The following TMEM184B variants were observed in gnomAD, a reference collection of about 807,000 sequenced individuals.
TMEM184B encodes the protein transmembrane protein 184B.
A neutral mutation model predicts 41.8 loss-of-function variants in TMEM184B; 17 were observed. The ratio of observed to expected loss-of-function variants is 0.41; its 90% CI spans 0.28 to 0.61. The LOEUF (loss-of-function observed/expected upper bound fraction) is 0.61, where lower values mean the gene tolerates loss of function less well. Among genes scored for constraint, TMEM184B ranks in the 20% least tolerant of loss-of-function variants. The pLI is 0.34. For synonymous variants in TMEM184B, 240 were observed against 229.5 expected, an observed-to-expected ratio of 1.05 and a Z score of -0.41; for missense variants, 393 against 557.8, an observed-to-expected ratio of 0.70 and a Z score of 2.98.
At chr22:38,227,193 G>A (rs1284118137) in intron 5 of TMEM184B, among the ~76,000 whole-genome samples, 1 of 152,048 alleles carries the variant, frequency 6.6e-6, no homozygotes, top group East Asian at 1.9e-4. Flanking sequence ...AGGAAGGGAG[G>A]GAGGAAGGGA....
chr22:38,228,364 T>C (rs1482420332), intron 5 of TMEM184B, among the ~76,000 whole-genome samples: 1 of 152,110 alleles, frequency 6.6e-6, no homozygotes, highest in East Asian at 1.9e-4. Flanking sequence ...GCTGTCATTA[T>C]CCCCATGGTA....
rs1474169708 is a variant in TMEM184B, at chr22:38,246,004, G to A, written c.289C>T (p.Leu97Phe). 1 of 1,613,730 alleles carries A rather than the reference G, an allele frequency of 6.2e-7. No individual in the cohort carries two copies. Among genetic ancestry groups the A allele is most frequent in the South Asian group, 1.1e-5 (1 of 91,086 alleles). ...TCGTTGGTGAAGAAGAGGAGGCTGA[G>A]CCAGGAGTCAAAGGCGTAGATGGGC... is the stretch of plus-strand genomic sequence containing the variant. ...IVPIYAFDSW[L>F]SLLFFTNDQY... The change falls in exon 3 of 9, where the codon CTC becomes TTC. Residue 97 changes from leucine to phenylalanine, a missense_variant. Leu to Phe is a conservative substitution (Grantham distance 22). Coordinates refer to ENST00000361906, the MANE Select transcript of TMEM184B (RefSeq NM_012264.5).
At position 38,226,546 on chromosome 22, in the gene TMEM184B, C is replaced by T. The variant is rs1449237902; in HGVS notation, c.617+233G>A. 3 of 489,312 alleles carry T rather than the reference C, an allele frequency of 6.1e-6. No individual in the cohort carries two copies. The highest frequency in any genetic ancestry group is 1.1e-5 in the Non-Finnish European group (3 of 263,862). The allele number at this position is 489,312 out of a possible 1,614,324, so 30.3% of individuals were successfully genotyped here. A position where few individuals can be genotyped will look rare whatever the true frequency, so the allele number is the denominator to read the frequency against. The stretch of plus-strand genomic sequence containing the variant: ...TGTGGCCCATCCCTTCATGGTACCA[C>T]TCTGCAGCCTGGACATGAACGTGAC... On this transcript the variant is annotated intron_variant, in intron 6 of 8. Transcript: ENST00000361906. This position sits in a 1 kb window ranked among gnomAD's most constrained non-coding sequence, Gnocchi z 4.6.
In TMEM184B at chr22:38,229,347, G is replaced by A. The variant is rs781744983; in HGVS notation, c.525+1322C>T. 3.2e-4 allele frequency among the ~76,000 whole-genome samples: 48 copies of A among 152,240 alleles called. 1 individual carries two copies. The highest frequency in any genetic ancestry group is 6.5e-4 in the Admixed American group (10 of 15,284). ...AGGAGGCCGTGGGCTCCACCACGCC[G>A]GGCTGAAAGCTCTACATCCATGACC... On this transcript the variant is annotated intron_variant, in intron 5 of 8. Coordinates refer to ENST00000361906, the MANE Select transcript of TMEM184B (RefSeq NM_012264.5).
At chr22:38,259,854 C>G (rs1316680303) in intron 1 of TMEM184B, among the ~76,000 whole-genome samples, 1 of 151,978 alleles carries the variant, frequency 6.6e-6, no homozygotes, top group Non-Finnish European at 1.5e-5. Flanking sequence ...CGGCTCACTG[C>G]AACCTCTGCC....
At chr22:38,233,543 G>C (rs2091690824) in intron 3 of TMEM184B, among the ~76,000 whole-genome samples, 1 of 152,216 alleles carries the variant, frequency 6.6e-6, no homozygotes, top group South Asian at 2.1e-4. Context: ...GCTGGAGGCA[G>C]CTCAGGATGT....
At chr22:38,235,128 A>G (rs1304439419) in intron 3 of TMEM184B, among the ~76,000 whole-genome samples, 1 of 152,208 alleles carries the variant, frequency 6.6e-6, no homozygotes, top group African/African-American at 2.4e-5. Flanking sequence ...ACAGACGTAC[A>G]TGGACCATCT....
At chr22:38,258,632 C>T (rs2092322915) in intron 1 of TMEM184B, among the ~76,000 whole-genome samples, 1 of 152,082 alleles carries the variant, frequency 6.6e-6, no homozygotes, top group South Asian at 2.1e-4. Context: ...GATTATGCTG[C>T]TAGACACAGT....
chr22:38,261,553 C>G (rs1481066991), intron 1 of TMEM184B, among the ~76,000 whole-genome samples: 1 of 152,196 alleles, frequency 6.6e-6, no homozygotes, highest in Non-Finnish European at 1.5e-5. Context: ...CGAGGGCTTA[C>G]TCAATTCAGC....
chr22:38,241,490 C>T (rs1406289671), intron 3 of TMEM184B, among the ~76,000 whole-genome samples: 2 of 148,426 alleles, frequency 1.3e-5, no homozygotes, highest in Non-Finnish European at 3.0e-5. Context: ...GAGTTCAAGA[C>T]CACCCTGGGC....
In TMEM184B at chr22:38,220,748, CA is replaced by C; in HGVS notation, c.*720del. 2.0e-6 allele frequency: 2 copies of C among 986,288 alleles called. No individual in the cohort carries two copies. Among genetic ancestry groups the C allele is most frequent in the Non-Finnish European group, 2.4e-6 (2 of 830,252 alleles). 61.1% of individuals were successfully genotyped at this position (986,288 alleles called of 1,614,324 possible). A position where few individuals can be genotyped will look rare whatever the true frequency, so the allele number is the denominator to read the frequency against. On this transcript the variant is annotated 3_prime_UTR_variant, in exon 9 of 9. Transcript: ENST00000361906. ...GGGCTGTGGGCTGTCCTTGGTAGGC[CA>C]GGGGGAAGGGGCATGAGGCAGGCAG...
chr22:38,226,598 G>A lies in TMEM184B; in HGVS notation c.617+181C>T. The A allele has an allele frequency of 1.7e-6, 1 of 579,026 alleles. No individual in the cohort carries two copies. The highest frequency in any genetic ancestry group is 3.1e-6 in the Non-Finnish European group (1 of 324,202). 35.9% of individuals were successfully genotyped at this position (579,026 alleles called of 1,614,324 possible). On this transcript the variant is annotated intron_variant, in intron 6 of 8. Coordinates refer to ENST00000361906, the MANE Select transcript of TMEM184B (RefSeq NM_012264.5). The surrounding 1 kb of genome is among the most constrained non-coding windows in gnomAD (Gnocchi z 4.6). ...GCTGCCAATGGCTCACTCCGGGGCT[G>A]GCAGCGGGGCCAACTGCAAGGGTGT... is the stretch of plus-strand genomic sequence containing the variant.
chr22:38,236,193 C>T (rs908492178), intron 3 of TMEM184B, among the ~76,000 whole-genome samples: 5 of 152,178 alleles, frequency 3.3e-5, no homozygotes, highest in Non-Finnish European at 5.9e-5. Flanking sequence ...AGGAACTCCT[C>T]CATCGTTGGA....
intron 3 of TMEM184B, among the ~76,000 whole-genome samples, chr22:38,240,732 C>CAAAAAAAA (rs550793359): frequency 1.5e-4 from 10 of 66,564 alleles, no homozygotes; most frequent in Admixed American, 2.0e-4. Context: ...GAAAAAAAGG[C>CAAAAAAAA]AAAAAAAAAA....
chr22:38,250,955 C>G (rs2092148778), intron 1 of TMEM184B, among the ~76,000 whole-genome samples: 1 of 152,148 alleles, frequency 6.6e-6, no homozygotes, highest in Non-Finnish European at 1.5e-5. Flanking sequence ...GAGTGACTTA[C>G]CCCCAAATCA....
chr22:38,255,230 T>TG (rs2092256365), intron 1 of TMEM184B, among the ~76,000 whole-genome samples: 1 of 152,218 alleles, frequency 6.6e-6, no homozygotes, highest in Admixed American at 6.5e-5. Flanking sequence ...TTCATCATGT[T>TG]GGTCAGGCTG....
At chr22:38,247,415 G>T (rs1303119027) in intron 2 of TMEM184B, among the ~76,000 whole-genome samples, 1 of 152,164 alleles carries the variant, frequency 6.6e-6, no homozygotes, top group Non-Finnish European at 1.5e-5. Context: ...GCCACACGTC[G>T]GAACCTGCGC....
chr22:38,237,897 G>A (rs2091816397), intron 3 of TMEM184B, among the ~76,000 whole-genome samples: 1 of 151,924 alleles, frequency 6.6e-6, no homozygotes, highest in South Asian at 2.1e-4. Context: ...TGCCTCCTGG[G>A]TTCAAGCAAT....
Position 38,247,945 on chromosome 22 carries a change from T to A in TMEM184B, c.17A>T (p.Asp6Val). Residue 6 changes from aspartate (D) to valine (V), a missense_variant, in exon 2 of 9, where the codon GAT (aspartate) becomes GTT (valine). Asp to Val is a radical substitution (Grantham distance 152). Transcript: ENST00000361906. MTVRG[D>V]VLAPDPASPT... ...CGACGCTGGATCCGGGGCCAGCACA[T>A]CCCCCCTCACTGTCATGGTGCCTGG... 1 of 1,584,370 alleles carries A rather than the reference T, an allele frequency of 6.3e-7. No individual in the cohort carries two copies. The highest frequency in any genetic ancestry group is 8.5e-7 in the Non-Finnish European group (1 of 1,170,838).
Sources: gnomAD v4.1 joint callset for allele counts (sites outside exome capture counted in the v4.1 genomes callset) on GRCh38, gnomAD v4.1.1 for gene constraint, Gnocchi (gnomAD v3.1) non-coding constraint, MANE v1.5 for transcripts, NCBI Gene and HGNC (gene_info 2026-07-23, HGNC 2026-07-21) for gene names.